SLC26A11: variants seen among roughly 807,000 people sequenced by gnomAD.
SLC26A11 encodes sodium-independent sulfate anion transporter.
A neutral mutation model predicts 62.2 loss-of-function variants in SLC26A11; 58 were observed. That is an observed-to-expected ratio of 0.93 (90% confidence interval 0.76 to 1.16). The LOEUF (loss-of-function observed/expected upper bound fraction) is 1.16. SLC26A11 is among the 50% of genes most tolerant of loss of function. The pLI is 0.00. For missense variants in SLC26A11, 790 were observed against 794.3 expected (o/e 0.99, Z 0.06); for synonymous variants, 411 against 368.9 (o/e 1.11, Z -1.31).
intron 16 of SLC26A11, among the ~76,000 whole-genome samples, chr17:80,250,219 G>A (rs767302415): frequency 2.0e-4 from 31 of 152,172 alleles, no homozygotes; most frequent in Non-Finnish European, 3.2e-4. Flanking sequence ...GTCCCCAGGC[G>A]CCCAGAGGAG....
chr17:80,246,263 G>T lies in SLC26A11; in HGVS notation c.1153+54G>T. On this transcript the variant is annotated intron_variant, in intron 12 of 17. Transcript: ENST00000361193. This position sits in a 1 kb window ranked among gnomAD's most constrained non-coding sequence, Gnocchi z 4.4. ...CGCAGCCCTGAGAGTGGGAGAAAGG[G>T]AGGAGGGGGCCCACAGAGACGTCCC... 6.3e-7 allele frequency: 1 copy of T among 1,575,866 alleles called. No individual in the cohort carries two copies. The highest frequency in any genetic ancestry group is 8.6e-7 in the Non-Finnish European group (1 of 1,161,662).
intron 9 of SLC26A11, among the ~76,000 whole-genome samples, chr17:80,239,024 A>G (rs886404450): frequency 6.6e-6 from 1 of 150,920 alleles, no homozygotes; most frequent in Non-Finnish European, 1.5e-5. Flanking sequence ...ACAGGGTCTC[A>G]CTATGTTGGC....
chr17:80,222,731 C>T lies in SLC26A11; in HGVS notation c.311C>T (p.Pro104Leu), dbSNP rs1234386670. 6.2e-7 allele frequency: 1 copy of T among 1,614,166 alleles called. No individual in the cohort carries two copies. Among genetic ancestry groups the T allele is most frequent in the Admixed American group, 1.7e-5 (1 of 60,028 alleles). Residue 104 changes from proline to leucine, a missense_variant, in exon 4 of 18, where the codon CCC becomes CTC. Transcript: ENST00000361193. The surrounding 1 kb of genome is among the most constrained non-coding windows in gnomAD (Gnocchi z 4.7). ...LGTSRDVTLG[P>L]TAIMSLLVSF... ...ACCTCCCGGGATGTGACTCTGGGCC[C>T]CACCGCCATTATGTCCCTCCTGGTC...
At chr17:80,225,720 T>G (rs1310666390) in intron 5 of SLC26A11, 117 bp from the exon 6 acceptor site, 2 of 879,322 alleles carry the variant, frequency 2.3e-6, no homozygotes, top group Non-Finnish European at 3.7e-6. Context: ...GGAATAAGGG[T>G]TGGGAGCAGG....
intron 8 of SLC26A11, chr17:80,237,305 C>G (rs1380387304): frequency 1.3e-6 from 1 of 771,832 alleles, no homozygotes. Flanking sequence ...CGTTTGTGTT[C>G]AGGGGCGCTT....
At chr17:80,231,464 T>A (rs2042566388) in intron 7 of SLC26A11, among the ~76,000 whole-genome samples, 1 of 151,926 alleles carries the variant, frequency 6.6e-6, no homozygotes, top group Non-Finnish European at 1.5e-5. Flanking sequence ...GTGCCCGGCC[T>A]TTTTTTTCAG....
chr17:80,242,949 C>T (rs1035758186), intron 10 of SLC26A11, among the ~76,000 whole-genome samples: 49 of 152,206 alleles, frequency 3.2e-4, no homozygotes, highest in African/African-American at 1.1e-3. Flanking sequence ...CCTCGTGATC[C>T]GCCTGCCTTG....
rs1176644186 is a variant in SLC26A11 at position 80,252,194 on chromosome 17, C to A, written c.1730-431C>A. ...ACAGCAGTGGCCAGAGGGTCCCAGG[C>A]CCCAGTGCTAGGCCTCTTCCTCTTC... On this transcript the variant is annotated intron_variant, in intron 17 of 17. Transcript: ENST00000361193. This position sits in a 1 kb window ranked among gnomAD's most constrained non-coding sequence, Gnocchi z 5.2. Among the ~76,000 whole-genome samples the A allele has an allele frequency of 6.6e-6, 1 of 152,176 alleles. No homozygotes were observed. Among genetic ancestry groups the A allele is most frequent in the Non-Finnish European group, 1.5e-5 (1 of 68,038 alleles).
intron 16 of SLC26A11, among the ~76,000 whole-genome samples, chr17:80,250,655 C>T (rs1310445997): frequency 1.3e-5 from 2 of 150,492 alleles, no homozygotes; most frequent in Non-Finnish European, 3.0e-5. Context: ...AGTGAAACTC[C>T]GTCTCTACTA....
Position 80,233,866 on chromosome 17 carries a change from C to T in SLC26A11, c.737-3062C>T, listed in dbSNP as rs1214763022. 2.6e-5 allele frequency among the ~76,000 whole-genome samples: 4 copies of T among 151,908 alleles called. No individual in the cohort carries two copies. In the South Asian group the frequency reaches 8.3e-4, roughly 31 times the overall value. ...ATGTTGGGATTACAGGTGTGAGCCACTACTCCTGGTCTTCTTTCAACTTTC... is the reference window on the plus strand; with the variant it reads ...ATGTTGGGATTACAGGTGTGAGCCATTACTCCTGGTCTTCTTTCAACTTTC... On this transcript the variant is annotated intron_variant, in intron 7 of 17. Transcript: ENST00000361193.
chr17:80,251,859 G>T (rs1035581349), intron 17 of SLC26A11, among the ~76,000 whole-genome samples: 1 of 152,022 alleles, frequency 6.6e-6, no homozygotes, highest in Non-Finnish European at 1.5e-5. Context: ...ATATGTACCT[G>T]CCTGTCAGGA....
chr17:80,221,449 A>C lies in SLC26A11; in HGVS notation c.-13-99A>C, dbSNP rs1257562037. 3.6e-6 allele frequency: 3 copies of C among 831,212 alleles called. No individual in the cohort carries two copies. The East Asian group carries it at 8.1e-5, about 22-fold the overall frequency. The allele number at this position is 831,212 out of a possible 1,614,324, so 51.5% of individuals were successfully genotyped here. A position where few individuals can be genotyped will look rare whatever the true frequency, so the allele number is the denominator to read the frequency against. ...TCGCCCCCCTGGGGAGGGGAGACCC[A>C]TAGTGACCTCTCCTGACACCCGCCG... On this transcript the variant is annotated intron_variant, in intron 2 of 17. Transcript: ENST00000361193.
chr17:80,236,132 T>C (rs2042683410), intron 7 of SLC26A11, among the ~76,000 whole-genome samples: 1 of 152,252 alleles, frequency 6.6e-6, no homozygotes, highest in Admixed American at 6.5e-5. Flanking sequence ...CCATGAATTA[T>C]GAGGGTTTTT....
intron 15 of SLC26A11, 58 bp downstream of exon 15, chr17:80,248,732 T>C: frequency 2.0e-6 from 3 of 1,480,454 alleles, no homozygotes; most frequent in Non-Finnish European, 2.8e-6. Flanking sequence ...TGCCCCCCAC[T>C]CCCTGCTGTT....
chr17:80,249,351 C>G lies in SLC26A11; in HGVS notation c.1656+64C>G, dbSNP rs531703157. On this transcript the variant is annotated intron_variant, in intron 16 of 17. Transcript: ENST00000361193. ...CCGGAAGGCCTTCCTGTGCCTGCCT[C>G]CCATGGCGAATGTGACATCTCTGGG... is the stretch of plus-strand genomic sequence containing the variant. 8.2e-6 allele frequency: 13 copies of G among 1,582,098 alleles called. No individual in the cohort carries two copies. In the East Asian group the frequency reaches 2.7e-4, roughly 33 times the overall value.
chr17:80,231,109 C>T, intron 7 of SLC26A11, among the ~76,000 whole-genome samples: 1 of 136,746 alleles, frequency 7.3e-6, no homozygotes, highest in South Asian at 2.4e-4. Flanking sequence ...TTATTATTTC[C>T]TTTCTTCTAT....
In SLC26A11 at chr17:80,222,675, C is replaced by A. The variant is rs755862160; in HGVS notation, c.255C>A (p.Phe85Leu). Residue 85 changes from phenylalanine (F) to leucine (L), a missense_variant, in exon 4 of 18, where the codon TTC becomes TTA. By Grantham distance (22) the Phe-to-Leu change is conservative. Coordinates refer to ENST00000361193, the MANE Select transcript of SLC26A11 (RefSeq NM_001166347.2). This position sits in a 1 kb window ranked among gnomAD's most constrained non-coding sequence, Gnocchi z 4.7. Reference sequence around the variant, plus strand: ...CACAGTATGGCCTCTACTCTGCCTTCATGGGCTGCTTCGTGTATTTCTTCC... The same window carrying A: ...CACAGTATGGCCTCTACTCTGCCTTAATGGGCTGCTTCGTGTATTTCTTCC... Reference protein sequence around the residue: ...LPPQYGLYSAFMGCFVYFFLG... With the variant: ...LPPQYGLYSALMGCFVYFFLG... 5 of 1,614,128 alleles carry A rather than the reference C, an allele frequency of 3.1e-6. No individual in the cohort carries two copies. Among genetic ancestry groups the A allele is most frequent in the Non-Finnish European group, 4.2e-6 (5 of 1,180,014 alleles).
chr17:80,237,332 C>T (rs1208648531), intron 8 of SLC26A11, 190 bp from the exon 9 acceptor site: 7 of 744,162 alleles, frequency 9.4e-6, no homozygotes, highest in Non-Finnish European at 1.3e-5. Context: ...TTTTGGACTC[C>T]AGCTGAGGAT....
chr17:80,249,230 C>G lies in SLC26A11; in HGVS notation c.1599C>G (p.Gly533=), dbSNP rs201516304. ...ACTACACTGTGGTGCTGGGACTCGG[C>G]GAGCTCCTCCAGGACTTCCAGAAGC... ...SIDYTVVLGL[G]ELLQDFQKQG... The change falls in exon 16 of 18, where the codon GGC becomes GGG. Residue 533 remains glycine (G), a synonymous_variant. Transcript: ENST00000361193. The G allele has an allele frequency of 3.7e-6, 6 of 1,611,344 alleles. No individual in the cohort carries two copies. The Admixed American group carries it at 1.0e-4, about 27-fold the overall frequency.
Sources: allele counts gnomAD v4.1 joint callset (sites outside exome capture counted in the v4.1 genomes callset), GRCh38; gene constraint gnomAD v4.1.1; non-coding constraint Gnocchi (gnomAD v3.1); transcripts MANE v1.5; gene names NCBI Gene and HGNC (gene_info 2026-07-23, HGNC 2026-07-21).